Variants in TAF1B observed in about 807,000 individuals in gnomAD.
TAF1B encodes the protein TATA-box binding protein associated factor, RNA polymerase I subunit B, also known as TATA box-binding protein-associated factor RNA polymerase I subunit B.
A neutral mutation model predicts 83.9 loss-of-function variants in TAF1B; 61 were observed. That is an observed-to-expected ratio of 0.73 (90% CI 0.59 to 0.90). The LOEUF (loss-of-function observed/expected upper bound fraction) is 0.90, where lower values mean the gene tolerates loss of function less well. Among genes scored for constraint, TAF1B ranks in the 40% least tolerant of loss-of-function variants. The pLI, the probability that TAF1B is intolerant of heterozygous loss-of-function variation, is 0.00. For missense variants in TAF1B, 625 were observed against 677.0 expected (o/e 0.92, Z 0.85); for synonymous variants, 221 against 224.6 (o/e 0.98, Z 0.14).
At chr2:9,932,448 G>A (rs1390426188) in intron 14 of TAF1B, among the ~76,000 whole-genome samples, 2 of 152,224 alleles carry the variant, frequency 1.3e-5, no homozygotes, top group Non-Finnish European at 2.9e-5. Context: ...GTCTGTTGGA[G>A]TTTGCTGGAA....
At chr2:9,859,460 C>T (rs1192007990) in intron 5 of TAF1B, among the ~76,000 whole-genome samples, 1 of 149,424 alleles carries the variant, frequency 6.7e-6, no homozygotes, top group Non-Finnish European at 1.5e-5. Flanking sequence ...CATCTTGGCT[C>T]ATTGCAACCT....
At chr2:9,867,117 G>A (rs959598193) in intron 5 of TAF1B, among the ~76,000 whole-genome samples, 1 of 152,130 alleles carries the variant, frequency 6.6e-6, no homozygotes, top group Non-Finnish European at 1.5e-5. Context: ...TGGGATAAAT[G>A]ATAGCATATT....
chr2:9,882,333 C>T (rs985803623), intron 7 of TAF1B, among the ~76,000 whole-genome samples: 3 of 152,110 alleles, frequency 2.0e-5, no homozygotes, highest in African/African-American at 4.8e-5. Flanking sequence ...CTCCTGACCT[C>T]GTGATCCGCT....
chr2:9,924,689 A>G (rs1665983348), intron 14 of TAF1B, among the ~76,000 whole-genome samples: 1 of 152,266 alleles, frequency 6.6e-6, no homozygotes, highest in African/African-American at 2.4e-5. Context: ...ACCATTGAAA[A>G]TGATTACAAT....
intron 8 of TAF1B, among the ~76,000 whole-genome samples, chr2:9,898,888 A>G (rs1665098158): frequency 1.3e-5 from 2 of 151,288 alleles, no homozygotes. Context: ...GACCTCTTTA[A>G]CATGTGTTTT....
chr2:9,905,402 T>A (rs533647853), intron 9 of TAF1B, among the ~76,000 whole-genome samples: 182 of 152,286 alleles, frequency 1.2e-3, no homozygotes, highest in African/African-American at 4.2e-3. Context: ...TTCTAATTTT[T>A]AAAAAAATCC....
At chr2:9,915,557 T>C (rs1297001593) in intron 12 of TAF1B, among the ~76,000 whole-genome samples, 2 of 152,132 alleles carry the variant, frequency 1.3e-5, no homozygotes, top group Non-Finnish European at 2.9e-5. Flanking sequence ...AATAGGGAAA[T>C]GCAAATTAAA....
intron 8 of TAF1B, among the ~76,000 whole-genome samples, chr2:9,898,187 T>A (rs1359764542): frequency 6.6e-6 from 1 of 152,216 alleles, no homozygotes; most frequent in East Asian, 1.9e-4. Context: ...CTAGAGGCTC[T>A]CAGGCTTTAG....
chr2:9,868,310 C>A lies in TAF1B; in HGVS notation c.434C>A (p.Ala145Asp), dbSNP rs374272943. 1 of 1,614,056 alleles carries A rather than the reference C, an allele frequency of 6.2e-7. No homozygotes were observed. Among genetic ancestry groups the A allele is most frequent in the Non-Finnish European group, 8.5e-7 (1 of 1,180,036 alleles). ...LEDNLSHSDW[A>D]SEPELLSDVS... Reference sequence around the variant, plus strand: ...GATAATCTAAGTCATTCAGACTGGGCTAGTGAGCCTGAGCTGCTAAGTGAT... The same window carrying A: ...GATAATCTAAGTCATTCAGACTGGGATAGTGAGCCTGAGCTGCTAAGTGAT... Residue 145 changes from alanine to aspartate, a missense_variant, in exon 6 of 15, where the codon GCT becomes GAT. Ala to Asp is a moderately radical substitution (Grantham distance 126). Coordinates refer to ENST00000263663, the MANE Select transcript of TAF1B (RefSeq NM_005680.3).
At chr2:9,929,399 C>T (rs1489280270) in intron 14 of TAF1B, among the ~76,000 whole-genome samples, 1 of 152,136 alleles carries the variant, frequency 6.6e-6, no homozygotes, top group African/African-American at 2.4e-5. Context: ...ACCTCGTGAT[C>T]CACCCACGTC....
At chr2:9,919,156 G>A (rs1273088031) in intron 13 of TAF1B, 45 bp downstream of exon 13, 2 of 1,503,460 alleles carry the variant, frequency 1.3e-6, no homozygotes, top group East Asian at 2.3e-5. Context: ...CAACACAGTT[G>A]TAGAAAAATT....
At chr2:9,911,049 A>G (rs954529687) in intron 10 of TAF1B, 136 bp downstream of exon 10, 2 of 694,436 alleles carry the variant, frequency 2.9e-6, no homozygotes, top group East Asian at 2.9e-5. Flanking sequence ...ACCTAATTAT[A>G]TGTTATCTCA....
At chr2:9,892,576 T>C (rs942166520) in intron 8 of TAF1B, among the ~76,000 whole-genome samples, 2 of 152,188 alleles carry the variant, frequency 1.3e-5, no homozygotes, top group African/African-American at 4.8e-5. Context: ...TTATGGGCCC[T>C]CTAGGTTCAC....
intron 5 of TAF1B, among the ~76,000 whole-genome samples, chr2:9,867,210 C>T (rs1283731594): frequency 6.6e-6 from 1 of 152,168 alleles, no homozygotes; most frequent in Non-Finnish European, 1.5e-5. Context: ...GAACAGATAT[C>T]TTTGAGTGTA....
rs1171208077 is a variant in TAF1B, at chr2:9,908,343, G to C, written c.956-2393G>C. 4.0e-5 allele frequency among the ~76,000 whole-genome samples: 6 copies of C among 151,850 alleles called. No homozygotes were observed. In the East Asian group the frequency reaches 9.6e-4, roughly 24 times the overall value. ...ATTACAGGCGTGAGCCACCACGCCT[G>C]GCCAAGATATTAATTTTAAAAGAAG... On this transcript the variant is annotated intron_variant, in intron 9 of 14. Transcript: ENST00000263663.
At chr2:9,909,588 G>A (rs369574743) in intron 9 of TAF1B, among the ~76,000 whole-genome samples, 5 of 152,190 alleles carry the variant, frequency 3.3e-5, no homozygotes, top group Non-Finnish European at 7.4e-5. Flanking sequence ...AGGGGAATAC[G>A]ATGATTGGGC....
intron 6 of TAF1B, among the ~76,000 whole-genome samples, chr2:9,871,717 A>G (rs1345549676): frequency 6.6e-6 from 1 of 152,106 alleles, no homozygotes; most frequent in African/African-American, 2.4e-5. Context: ...CCCCAGCATT[A>G]TCATCTTTAA....
intron 12 of TAF1B, among the ~76,000 whole-genome samples, chr2:9,916,119 G>A (rs879547873): frequency 3.3e-5 from 5 of 152,212 alleles, no homozygotes; most frequent in South Asian, 2.1e-4. Flanking sequence ...ACTGTTCTAC[G>A]TAGTAATTGT....
chr2:9,877,159 C>T (rs529266358), intron 7 of TAF1B, among the ~76,000 whole-genome samples: 13 of 152,312 alleles, frequency 8.5e-5, no homozygotes, highest in South Asian at 2.1e-4. Context: ...CTTTTCCCAA[C>T]GCTTTAATTA....
Sources: allele counts gnomAD v4.1 joint callset (sites outside exome capture counted in the v4.1 genomes callset), GRCh38; gene constraint gnomAD v4.1.1; transcripts MANE v1.5; gene names NCBI Gene and HGNC (gene_info 2026-07-23, HGNC 2026-07-21).